PHACTR1: variants seen among roughly 807,000 people sequenced by gnomAD.
PHACTR1 encodes phosphatase and actin regulator 1.
Under a neutral mutation model 69.2 loss-of-function variants are expected in PHACTR1, and 16 were observed. The observed-to-expected ratio is 0.23, with a 90% CI of 0.16 to 0.35. The LOEUF is 0.35. Among genes scored for constraint, PHACTR1 ranks in the 10% least tolerant of loss-of-function variants. The pLI is 1.00. For synonymous variants in PHACTR1, 312 were observed against 284.5 expected (o/e 1.10, Z -0.97); for missense variants, 510 against 734.7 (o/e 0.69, Z 3.54).
chr6:12,962,987 T>C (rs1160013326), intron 4 of PHACTR1, among the ~76,000 whole-genome samples: 1 of 152,156 alleles, frequency 6.6e-6, no homozygotes, highest in Non-Finnish European at 1.5e-5. Context: ...AGCACATGCA[T>C]GCACACACAC....
At chr6:12,866,712 A>C (rs180907611) in intron 4 of PHACTR1, among the ~76,000 whole-genome samples, 72 of 152,306 alleles carry the variant, frequency 4.7e-4, no homozygotes, top group African/African-American at 1.7e-3. Context: ...TCTGCAAATA[A>C]AATATTATGC....
intron 4 of PHACTR1, chr6:12,957,742 C>T: frequency 1.0e-6 from 1 of 985,536 alleles, no homozygotes; most frequent in Non-Finnish European, 1.2e-6. Context: ...GGGTGGCCAC[C>T]TAGTCCACGG....
At chr6:12,724,027 G>T (rs1039708473) in intron 3 of PHACTR1, among the ~76,000 whole-genome samples, 5 of 152,086 alleles carry the variant, frequency 3.3e-5, no homozygotes, top group Non-Finnish European at 2.9e-5. Flanking sequence ...GATGCAAATG[G>T]ACTTTTAAAA....
At chr6:12,830,092 GGAAAGAAAGAAAGAAAGAAAGAAA>G (rs201322567) in intron 4 of PHACTR1, among the ~76,000 whole-genome samples, 27,311 of 108,896 alleles carry the variant, frequency 0.25, 3,623 homozygotes, top group East Asian at 0.52. Flanking sequence ...AAGGAAGGAG[GGAAAGAAAGAAAGAAAGAAAGAAA>G]GAAAGAAAGA....
intron 5 of PHACTR1, among the ~76,000 whole-genome samples, chr6:13,095,559 A>C (rs372555144): frequency 4.8e-4 from 73 of 152,290 alleles, no homozygotes; most frequent in African/African-American, 1.7e-3. Context: ...TCCTCCCACT[A>C]TCCTAACTTT....
intron 4 of PHACTR1, among the ~76,000 whole-genome samples, chr6:12,826,174 G>A (rs1776783804): frequency 6.6e-6 from 1 of 152,152 alleles, no homozygotes; most frequent in African/African-American, 2.4e-5. Flanking sequence ...TATATTTAAT[G>A]CAGTATTTCC....
intron 5 of PHACTR1, among the ~76,000 whole-genome samples, chr6:13,111,947 G>T (rs1817109583): frequency 6.6e-6 from 1 of 152,074 alleles, no homozygotes; most frequent in Non-Finnish European, 1.5e-5. Flanking sequence ...TGTCATGGGG[G>T]TTCTTTGTAC....
At chr6:12,750,547 G>A (rs542988351) in intron 4 of PHACTR1, among the ~76,000 whole-genome samples, 1 of 143,580 alleles carries the variant, frequency 7.0e-6, no homozygotes, top group Non-Finnish European at 1.5e-5. Flanking sequence ...AGGGAAGGAA[G>A]GAAGGGGGGA....
chr6:13,030,999 C>A (rs1253882755), intron 4 of PHACTR1, among the ~76,000 whole-genome samples: 1 of 152,078 alleles, frequency 6.6e-6, no homozygotes, highest in Non-Finnish European at 1.5e-5. Context: ...AGCAGATGTC[C>A]CCCACCCCAC....
intron 10 of PHACTR1, among the ~76,000 whole-genome samples, chr6:13,241,737 A>G (rs1022293601): frequency 3.3e-5 from 5 of 152,056 alleles, no homozygotes; most frequent in Non-Finnish European, 1.5e-5. Flanking sequence ...AGAAAAAGTA[A>G]TGCTGGGTGG....
intron 4 of PHACTR1, among the ~76,000 whole-genome samples, chr6:12,856,354 A>G (rs372636583): frequency 1.3e-5 from 2 of 151,404 alleles, no homozygotes; most frequent in South Asian, 2.1e-4. Context: ...CCCAGGCTCA[A>G]GTGATTCTCC....
intron 5 of PHACTR1, among the ~76,000 whole-genome samples, chr6:13,144,246 A>G (rs1392013738): frequency 2.0e-5 from 3 of 152,242 alleles, no homozygotes; most frequent in Non-Finnish European, 4.4e-5. Context: ...AAAGGTTTAA[A>G]GATTGAAAGC....
At chr6:13,163,769 G>A (rs1242935832) in intron 6 of PHACTR1, among the ~76,000 whole-genome samples, 1 of 152,086 alleles carries the variant, frequency 6.6e-6, no homozygotes, top group East Asian at 1.9e-4. Flanking sequence ...TGACTTCTCT[G>A]TGCTTCTCTT....
In PHACTR1 at chr6:12,811,023, A is replaced by G. The variant is rs146649157; in HGVS notation, c.250+61233A>G. ...TTAGATGTTTCTTTGCCTCATGTGTAGATTCAGTGGGTGCTCTGAGGACTT... is the reference window on the plus strand; with the variant it reads ...TTAGATGTTTCTTTGCCTCATGTGTGGATTCAGTGGGTGCTCTGAGGACTT... On this transcript the variant is annotated intron_variant, in intron 4 of 14. Transcript: ENST00000332995. 7.4e-4 allele frequency among the ~76,000 whole-genome samples: 112 copies of G among 152,280 alleles called. 1 individual carries two copies. The highest frequency in any genetic ancestry group is 1.2e-3 in the Non-Finnish European group (79 of 68,024).
intron 7 of PHACTR1, among the ~76,000 whole-genome samples, chr6:13,183,396 T>C (rs1313998669): frequency 7.0e-6 from 1 of 143,402 alleles, no homozygotes; most frequent in African/African-American, 2.5e-5. Context: ...TAGAAAGGCC[T>C]CTCTCCCCAT....
rs547788541 is a variant in PHACTR1, at chr6:13,085,545, C to T, written c.415+32016C>T. ...ATAAACTTCCTAATGGAAGATGCAA[C>T]AATTCAAAATATGTATGTATCTAAC... On this transcript the variant is annotated intron_variant, in intron 5 of 14. Transcript: ENST00000332995. 3.3e-5 allele frequency among the ~76,000 whole-genome samples: 5 copies of T among 152,100 alleles called. No homozygotes were observed. In the East Asian group the frequency reaches 9.7e-4, roughly 29 times the overall value.
intron 4 of PHACTR1, among the ~76,000 whole-genome samples, chr6:12,965,080 T>C (rs1159839974): frequency 1.3e-5 from 2 of 152,242 alleles, no homozygotes; most frequent in Non-Finnish European, 2.9e-5. Context: ...AGCTTACGTA[T>C]AATACCTAAT....
intron 4 of PHACTR1, among the ~76,000 whole-genome samples, chr6:12,989,748 T>G (rs906740667): frequency 5.3e-5 from 8 of 152,138 alleles, no homozygotes; most frequent in African/African-American, 1.9e-4. Context: ...TTGAGTACAG[T>G]CACTTAGATC....
intron 5 of PHACTR1, among the ~76,000 whole-genome samples, chr6:13,138,646 G>A (rs1821926729): frequency 6.6e-6 from 1 of 152,168 alleles, no homozygotes; most frequent in Non-Finnish European, 1.5e-5. Flanking sequence ...CAGAGGAACT[G>A]TCTCAAGTTT....
Sources: allele counts gnomAD v4.1 joint callset (sites outside exome capture counted in the v4.1 genomes callset), GRCh38; gene constraint gnomAD v4.1.1; transcripts MANE v1.5; gene names NCBI Gene and HGNC (gene_info 2026-07-23, HGNC 2026-07-21).